Variants in GSE1 observed in about 807,000 individuals in gnomAD.
GSE1 encodes genetic suppressor element 1.
GSE1 carries 32 observed loss-of-function variants against 112.6 expected under a neutral mutation model. The ratio of observed to expected loss-of-function variants is 0.28; its 90% confidence interval spans 0.21 to 0.38. The LOEUF (loss-of-function observed/expected upper bound fraction) is 0.38. Ranked by LOEUF, GSE1 falls within the 10% of genes least tolerant of loss-of-function variation. The probability of loss-of-function intolerance (pLI) is 1.00; values close to 1 mark genes in which losing one functional copy is unlikely to be tolerated. For synonymous variants in GSE1, 1,115 were observed against 735.6 expected, an observed-to-expected ratio of 1.52 and a Z score of -8.35; for missense variants, 2,348 against 1,699.2, an observed-to-expected ratio of 1.38 and a Z score of -6.71.
chr16:85,516,457 C>CAAAAAA (rs71151299), intron 2 of GSE1, among the ~76,000 whole-genome samples: 2 of 69,428 alleles, frequency 2.9e-5, no homozygotes, highest in African/African-American at 1.0e-4. Flanking sequence ...CCCATCTCTA[C>CAAAAAA]AAAAAAAAAA....
intron 1 of GSE1, among the ~76,000 whole-genome samples, chr16:85,231,075 G>GGAT (rs1904279960): frequency 1.1e-4 from 14 of 123,802 alleles, no homozygotes; most frequent in Admixed American, 3.1e-4. Context: ...GCTGGACAGA[G>GGAT]GGATGGATGG....
exon 1 of GSE1, chr16:85,170,041 C>G (rs2074333056): frequency 6.1e-6 from 6 of 984,554 alleles, no homozygotes; most frequent in African/African-American, 1.7e-5. Flanking sequence ...AGACTCCGAC[C>G]TGTCGGAGCT....
chr16:85,532,349 C>A (rs2044164954), intron 2 of GSE1, among the ~76,000 whole-genome samples: 1 of 152,168 alleles, frequency 6.6e-6, no homozygotes, highest in Non-Finnish European at 1.5e-5. Context: ...CAGCCTTGAC[C>A]TCCCGGGCTC....
intron 2 of GSE1, among the ~76,000 whole-genome samples, chr16:85,544,254 G>C (rs370263088): frequency 1.3e-5 from 2 of 152,126 alleles, no homozygotes; most frequent in African/African-American, 4.8e-5. Flanking sequence ...AGAATCATCC[G>C]GCCCCCAGTG....
chr16:85,645,286 G>C (rs1485173685), intron 2 of GSE1, among the ~76,000 whole-genome samples: 2 of 152,172 alleles, frequency 1.3e-5, no homozygotes, highest in Non-Finnish European at 2.9e-5. Flanking sequence ...AGCGTGATGA[G>C]GTGGGGGCCT....
Position 85,528,436 on chromosome 16 carries a change from C to T in GSE1, c.2465-105478C>T, listed in dbSNP as rs553263600. Among the ~76,000 whole-genome samples the T allele has an allele frequency of 5.3e-5, 8 of 151,762 alleles. No individual in the cohort carries two copies. The East Asian group carries it at 1.2e-3, about 22-fold the overall frequency. On this transcript the variant is annotated intron_variant, in intron 2 of 2. Coordinates refer to the GSE1 transcript ENST00000637419. ...ATGGGATCCTCCCACCTCAGCCTCC[C>T]GGGTAGCCGGGACTACAGGTGTGTG... is the stretch of plus-strand genomic sequence containing the variant.
At chr16:85,314,569 C>A (rs2045945817) in intron 1 of GSE1, among the ~76,000 whole-genome samples, 1 of 152,080 alleles carries the variant, frequency 6.6e-6, no homozygotes, top group African/African-American at 2.4e-5. Context: ...CACACACACA[C>A]GTGAGCATGT....
intron 1 of GSE1, among the ~76,000 whole-genome samples, chr16:85,191,833 T>C (rs2074829636): frequency 6.6e-6 from 1 of 152,104 alleles, no homozygotes; most frequent in South Asian, 2.1e-4. Flanking sequence ...GGCTAGAAGA[T>C]TTCCCTGACA....
At chr16:85,366,830 G>C (rs532239395) in intron 2 of GSE1, among the ~76,000 whole-genome samples, 1 of 152,272 alleles carries the variant, frequency 6.6e-6, no homozygotes, top group Non-Finnish European at 1.5e-5. Context: ...CAAAATTGCT[G>C]TTAAGAGGGT....
intron 2 of GSE1, among the ~76,000 whole-genome samples, chr16:85,457,196 A>C (rs1567502583): frequency 6.6e-6 from 1 of 152,212 alleles, no homozygotes; most frequent in African/African-American, 2.4e-5. Flanking sequence ...TAGCCAGATA[A>C]GGATGAGGAG....
intron 2 of GSE1, among the ~76,000 whole-genome samples, chr16:85,487,124 G>T (rs2050867249): frequency 6.6e-6 from 1 of 152,184 alleles, no homozygotes; most frequent in African/African-American, 2.4e-5. Context: ...TCTCTGTCCA[G>T]TTGGGAAAAG....
chr16:85,251,648 C>G (rs934073338), intron 1 of GSE1, among the ~76,000 whole-genome samples: 1 of 152,260 alleles, frequency 6.6e-6, no homozygotes, highest in African/African-American at 2.4e-5. Context: ...GCTGGGCGGT[C>G]AGACCCTGCC....
intron 2 of GSE1, among the ~76,000 whole-genome samples, chr16:85,462,543 G>T (rs2049996393): frequency 6.6e-6 from 1 of 152,008 alleles, no homozygotes; most frequent in Non-Finnish European, 1.5e-5. Context: ...CTGCAAACTT[G>T]ATGCTCGGCA....
intron 1 of GSE1, among the ~76,000 whole-genome samples, chr16:85,582,380 G>T (rs1418480294): frequency 6.6e-6 from 1 of 152,238 alleles, no homozygotes; most frequent in Non-Finnish European, 1.5e-5. Flanking sequence ...GGATGGGGAA[G>T]CCCCCACGTG....
intron 2 of GSE1, among the ~76,000 whole-genome samples, chr16:85,401,079 AT>A (rs1240660784): frequency 2.0e-5 from 3 of 152,096 alleles, no homozygotes; most frequent in African/African-American, 7.2e-5. Context: ...GAAAGCCCAA[AT>A]CAGCGGATAT....
chr16:85,286,758 T>C (rs2045039670), intron 1 of GSE1, among the ~76,000 whole-genome samples: 1 of 152,020 alleles, frequency 6.6e-6, no homozygotes. Context: ...GAACATCTGC[T>C]CTGGTATCAC....
intron 1 of GSE1, among the ~76,000 whole-genome samples, chr16:85,233,959 G>A (rs766731852): frequency 1.3e-5 from 2 of 152,230 alleles, no homozygotes; most frequent in African/African-American, 4.8e-5. Context: ...CACAGAAGGC[G>A]GCTCCTCAAA....
chr16:85,269,397 G>A (rs1038004058), intron 1 of GSE1, among the ~76,000 whole-genome samples: 8 of 149,552 alleles, frequency 5.3e-5, no homozygotes, highest in African/African-American at 1.9e-4. Flanking sequence ...TGTCATCTGC[G>A]TCAGCGCAGG....
At chr16:85,517,616 C>T (rs2051996565) in intron 2 of GSE1, among the ~76,000 whole-genome samples, 1 of 152,104 alleles carries the variant, frequency 6.6e-6, no homozygotes, top group South Asian at 2.1e-4. Flanking sequence ...CCCCCGCCTG[C>T]CTAAGCTCAG....
Sources: allele counts gnomAD v4.1 joint callset (sites outside exome capture counted in the v4.1 genomes callset), GRCh38; gene constraint gnomAD v4.1.1; transcripts MANE v1.5; gene names NCBI Gene and HGNC (gene_info 2026-07-23, HGNC 2026-07-21).